The following PRH1 variants were observed in gnomAD, a reference collection of about 807,000 sequenced individuals.
PRH1 encodes the protein salivary acidic proline-rich phosphoprotein 1/2.
In PRH1, 7 loss-of-function variants were observed where a neutral mutation model predicts 7.9. The ratio of observed to expected loss-of-function variants is 0.89; its 90% CI spans 0.50 to 1.67. The LOEUF is 1.67. Ranked by LOEUF, PRH1 falls within the 40% of genes most tolerant of loss-of-function variation. The pLI is 0.00. For synonymous variants in PRH1, 45 were observed against 80.8 expected (o/e 0.56, Z 2.38); for missense variants, 109 against 223.6 (o/e 0.49, Z 3.27).
chr12:11,007,338 ATTTTC>A (rs1940877514), intron 1 of PRH1, among the ~76,000 whole-genome samples: 1 of 151,960 alleles, frequency 6.6e-6, no homozygotes, highest in Admixed American at 6.6e-5. Context: ...GGAAGGAATT[ATTTTC>A]TTTTAATTTA....
intron 2 of PRH1, among the ~76,000 whole-genome samples, chr12:10,956,928 G>A (rs1323240433): frequency 3.3e-5 from 5 of 152,010 alleles, no homozygotes; most frequent in African/African-American, 4.8e-5. Context: ...TGGACAAACG[G>A]GAAAACGTTC....
intron 2 of PRH1, among the ~76,000 whole-genome samples, chr12:10,928,172 G>A (rs117623118): frequency 6.6e-6 from 1 of 152,254 alleles, no homozygotes; most frequent in East Asian, 1.9e-4. Flanking sequence ...GAAAGAGAAT[G>A]AGAAAGAATT....
At chr12:10,962,362 T>C (rs1169495968) in intron 2 of PRH1, among the ~76,000 whole-genome samples, 1 of 152,214 alleles carries the variant, frequency 6.6e-6, no homozygotes, top group Non-Finnish European at 1.5e-5. Context: ...AGAAAATATA[T>C]ACAAATATCC....
At chr12:11,083,956 C>T (rs74748162) in intron 1 of PRH1, among the ~76,000 whole-genome samples, 8,299 of 51,980 alleles carry the variant, frequency 0.16, 186 homozygotes, top group Non-Finnish European at 0.24. Context: ...AAGTTCCCTT[C>T]AAAGACTCAA....
chr12:10,944,698 T>C (rs1283424789), intron 2 of PRH1, among the ~76,000 whole-genome samples: 1 of 152,204 alleles, frequency 6.6e-6, no homozygotes, highest in Non-Finnish European at 1.5e-5. Context: ...TGTGGGTTTA[T>C]CATAGATGGC....
At chr12:11,041,736 C>A (rs1942718067) in intron 1 of PRH1, among the ~76,000 whole-genome samples, 1 of 152,176 alleles carries the variant, frequency 6.6e-6, no homozygotes. Context: ...GATCACAAAA[C>A]AAGTCTTAAA....
At chr12:10,939,708 T>C (rs560089521) in intron 2 of PRH1, among the ~76,000 whole-genome samples, 144 of 152,214 alleles carry the variant, frequency 9.5e-4, no homozygotes, top group African/African-American at 3.3e-3. Flanking sequence ...GAGATGATGG[T>C]GAAAGTTTAC....
intron 1 of PRH1, among the ~76,000 whole-genome samples, chr12:11,164,871 G>C (rs1947525111): frequency 6.6e-6 from 1 of 152,020 alleles, no homozygotes; most frequent in Non-Finnish European, 1.5e-5. Flanking sequence ...CCACAATCAA[G>C]ATATAGAACA....
At chr12:11,156,006 T>C (rs932436822) in intron 1 of PRH1, among the ~76,000 whole-genome samples, 2 of 152,208 alleles carry the variant, frequency 1.3e-5, no homozygotes, top group East Asian at 1.9e-4. Context: ...TAACACAAGA[T>C]ATTATTGTTC....
intron 1 of PRH1, among the ~76,000 whole-genome samples, chr12:11,146,837 T>A (rs900618954): frequency 3.9e-5 from 6 of 152,208 alleles, no homozygotes; most frequent in Non-Finnish European, 7.4e-5. Flanking sequence ...TAATTTCTAA[T>A]GATAATCTTA....
At chr12:10,954,308 C>T (rs1180511648) in intron 2 of PRH1, among the ~76,000 whole-genome samples, 1 of 152,142 alleles carries the variant, frequency 6.6e-6, no homozygotes, top group Non-Finnish European at 1.5e-5. Context: ...CTAAAAGGCA[C>T]ATAGAGGCAA....
intron 1 of PRH1, among the ~76,000 whole-genome samples, chr12:11,060,751 A>G (rs78940780): frequency 2.7e-4 from 24 of 88,762 alleles, no homozygotes; most frequent in South Asian, 1.3e-3. Flanking sequence ...CTTGTCACTC[A>G]AATTTTATTG....
At chr12:10,924,680 C>T (rs979043718) in intron 2 of PRH1, among the ~76,000 whole-genome samples, 19 of 152,246 alleles carry the variant, frequency 1.2e-4, no homozygotes, top group African/African-American at 4.6e-4. Flanking sequence ...AATTTCAGAG[C>T]CTGTTAGTGG....
At chr12:11,161,647 T>C (rs1947418211) in intron 1 of PRH1, among the ~76,000 whole-genome samples, 1 of 151,940 alleles carries the variant, frequency 6.6e-6, no homozygotes, top group South Asian at 2.1e-4. Context: ...CAAGAGAGAG[T>C]TCAGAAATCT....
intron 2 of PRH1, among the ~76,000 whole-genome samples, chr12:10,933,300 T>C (rs188061207): frequency 2.0e-5 from 3 of 152,022 alleles, no homozygotes; most frequent in Non-Finnish European, 4.4e-5. Context: ...CTAAGTAAAA[T>C]ATGATGAAAT....
intron 1 of PRH1, among the ~76,000 whole-genome samples, chr12:11,079,420 G>T (rs1360312879): frequency 1.1e-5 from 1 of 87,370 alleles, no homozygotes; most frequent in Non-Finnish European, 2.8e-5. Context: ...GAATGCCACT[G>T]CCTTATCTAC....
intron 1 of PRH1, among the ~76,000 whole-genome samples, chr12:11,137,405 G>T (rs982232527): frequency 3.9e-5 from 6 of 152,058 alleles, no homozygotes; most frequent in African/African-American, 1.4e-4. Context: ...TATAGTTTTG[G>T]TTATAGAACT....
At chr12:11,048,158 GT>G (rs1942980215), upstream of PRH1, among the ~76,000 whole-genome samples, 1 of 100,460 alleles carries the variant, frequency 1.0e-5, no homozygotes, top group Non-Finnish European at 2.2e-5. Context: ...GTGTGTGTGT[GT>G]GTATAGATAG....
chr12:11,112,955 G>A (rs1945632207), intron 1 of PRH1, among the ~76,000 whole-genome samples: 1 of 152,016 alleles, frequency 6.6e-6, no homozygotes, highest in Non-Finnish European at 1.5e-5. Context: ...AGCAGTCTCA[G>A]GATAAAAAAT....
Sources: allele counts gnomAD v4.1 joint callset (sites outside exome capture counted in the v4.1 genomes callset), GRCh38; gene constraint gnomAD v4.1.1; transcripts MANE v1.5; gene names NCBI Gene and HGNC (gene_info 2026-07-23, HGNC 2026-07-21).